RARB: variants seen among roughly 807,000 people sequenced by gnomAD.
RARB encodes the protein HBV-activated protein.
In RARB, 17 loss-of-function variants were observed where a neutral mutation model predicts 51.9. The observed-to-expected ratio is 0.33, with a 90% CI of 0.22 to 0.49. RARB has a LOEUF of 0.49. Ranked by LOEUF, RARB falls within the 20% of genes least tolerant of loss-of-function variation. RARB has a pLI of 0.99. For synonymous variants in RARB, 215 were observed against 195.4 expected (o/e 1.10, Z -0.84); for missense variants, 369 against 550.8 (o/e 0.67, Z 3.30).
intron 2 of RARB, among the ~76,000 whole-genome samples, chr3:24,858,952 G>A (rs559245639): frequency 5.4e-5 from 8 of 148,088 alleles, no homozygotes; most frequent in East Asian, 2.0e-4. Flanking sequence ...CAGAAGAATC[G>A]CTTGAACTGG....
At chr3:25,290,040 T>A (rs1010441735) in intron 5 of RARB, among the ~76,000 whole-genome samples, 2 of 152,106 alleles carry the variant, frequency 1.3e-5, no homozygotes, top group African/African-American at 4.8e-5. Flanking sequence ...GTCCTTGGGT[T>A]GGGGGATTTA....
At chr3:24,841,413 C>T (rs889813508) in intron 1 of RARB, among the ~76,000 whole-genome samples, 6 of 152,222 alleles carry the variant, frequency 3.9e-5, no homozygotes, top group Non-Finnish European at 7.3e-5. Context: ...ATTACTCAAA[C>T]TGCTGCAGTG....
intron 2 of RARB, among the ~76,000 whole-genome samples, chr3:24,863,668 C>G (rs546602982): frequency 1.3e-5 from 2 of 150,476 alleles, no homozygotes; most frequent in African/African-American, 4.9e-5. Context: ...TTTTCACTGA[C>G]TAGGGGAGGC....
chr3:25,279,048 A>C (rs563878450), intron 5 of RARB, among the ~76,000 whole-genome samples: 5 of 152,312 alleles, frequency 3.3e-5, no homozygotes, highest in African/African-American at 1.2e-4. Context: ...GATCACAGAA[A>C]TACCATACAC....
intron 5 of RARB, among the ~76,000 whole-genome samples, chr3:25,261,746 G>A (rs1393912922): frequency 6.6e-6 from 1 of 152,018 alleles, no homozygotes; most frequent in East Asian, 1.9e-4. Flanking sequence ...CATCTCCCTG[G>A]TCACCTACTC....
At chr3:25,410,738 G>A (rs1308861154) in intron 5 of RARB, among the ~76,000 whole-genome samples, 1 of 152,112 alleles carries the variant, frequency 6.6e-6, no homozygotes, top group Admixed American at 6.5e-5. Context: ...GTCCAGTGAC[G>A]CCATATTGTT....
chr3:25,595,963 C>T (rs1701803923), intron 7 of RARB, among the ~76,000 whole-genome samples: 2 of 152,130 alleles, frequency 1.3e-5, no homozygotes, highest in African/African-American at 4.8e-5. Flanking sequence ...TGCTTTTCCA[C>T]AAAGTAAAAA....
chr3:25,077,144 C>G (rs1252829249), intron 3 of RARB, among the ~76,000 whole-genome samples: 2 of 152,148 alleles, frequency 1.3e-5, no homozygotes, highest in African/African-American at 4.8e-5. Flanking sequence ...ATGGGCTCCT[C>G]AAATAGCATG....
intron 3 of RARB, among the ~76,000 whole-genome samples, chr3:25,102,518 C>T (rs556129895): frequency 9.9e-5 from 15 of 150,764 alleles, no homozygotes; most frequent in East Asian, 2.0e-4. Flanking sequence ...CCAGCCTGGA[C>T]GACAGAATAA....
chr3:24,897,665 C>CT (rs1255579547), intron 2 of RARB, among the ~76,000 whole-genome samples: 2 of 151,484 alleles, frequency 1.3e-5, no homozygotes, highest in African/African-American at 2.4e-5. Flanking sequence ...CCTTCCATTC[C>CT]TTTTATACTC....
intron 5 of RARB, among the ~76,000 whole-genome samples, chr3:25,385,661 T>G (rs778844075): frequency 8.8e-4 from 134 of 151,878 alleles, no homozygotes; most frequent in Non-Finnish European, 1.4e-3. Context: ...ATATATATAT[T>G]GCTGTTTGCC....
intron 2 of RARB, among the ~76,000 whole-genome samples, chr3:25,479,736 G>A (rs1391933173): frequency 3.9e-5 from 6 of 152,308 alleles, no homozygotes; most frequent in East Asian, 1.9e-4. Flanking sequence ...CATAAAGGAA[G>A]TGGATTATCA....
At chr3:24,970,104 G>A (rs185085860) in intron 2 of RARB, among the ~76,000 whole-genome samples, 103 of 152,114 alleles carry the variant, frequency 6.8e-4, no homozygotes, top group Admixed American at 1.4e-3. Context: ...GTTTTTGTAG[G>A]CCAAGTAGCC....
chr3:25,259,759 G>C (rs1482873598), intron 5 of RARB, among the ~76,000 whole-genome samples: 1 of 152,106 alleles, frequency 6.6e-6, no homozygotes, highest in Non-Finnish European at 1.5e-5. Flanking sequence ...GCATTTCTGA[G>C]TTTTTCTTCA....
chr3:25,532,737 G>A (rs185281345), intron 3 of RARB, among the ~76,000 whole-genome samples: 64 of 152,134 alleles, frequency 4.2e-4, no homozygotes, highest in African/African-American at 1.5e-3. Context: ...CCCTAAAGAG[G>A]CTTCCTATAA....
At chr3:25,089,139 G>A (rs918729732) in intron 3 of RARB, among the ~76,000 whole-genome samples, 4 of 151,346 alleles carry the variant, frequency 2.6e-5, no homozygotes, top group Non-Finnish European at 4.4e-5. Context: ...AGAGTGAGCC[G>A]ATTTTTTTTT....
At chr3:25,350,679 G>C (rs1313645292) in intron 5 of RARB, among the ~76,000 whole-genome samples, 1 of 152,210 alleles carries the variant, frequency 6.6e-6, no homozygotes, top group African/African-American at 2.4e-5. Flanking sequence ...GCCCAGCATC[G>C]AGAGTGCCTG....
At chr3:25,503,619 G>A (rs1346395594) in intron 3 of RARB, among the ~76,000 whole-genome samples, 1 of 152,130 alleles carries the variant, frequency 6.6e-6, no homozygotes, top group Non-Finnish European at 1.5e-5. Context: ...GGAAGAAAAT[G>A]GGATCATTAT....
At chr3:25,145,550 C>A (rs1313093374) in intron 4 of RARB, among the ~76,000 whole-genome samples, 1 of 152,032 alleles carries the variant, frequency 6.6e-6, no homozygotes, top group East Asian at 1.9e-4. Flanking sequence ...ATTTTTCAAG[C>A]TTGCTAAAAA....
Sources: gnomAD v4.1 joint callset for allele counts (sites outside exome capture counted in the v4.1 genomes callset) on GRCh38, gnomAD v4.1.1 for gene constraint, MANE v1.5 for transcripts, NCBI Gene and HGNC (gene_info 2026-07-23, HGNC 2026-07-21) for gene names.